ADAT1: variants seen among roughly 807,000 people sequenced by gnomAD.
ADAT1 encodes the protein adenosine deaminase tRNA specific 1.
In ADAT1, 58 loss-of-function variants were observed where a neutral mutation model predicts 58.6. That is an observed-to-expected ratio of 0.99 (90% CI 0.80 to 1.23). The LOEUF (loss-of-function observed/expected upper bound fraction) is 1.23. ADAT1 is among the 50% of genes most tolerant of loss of function. The pLI, the probability that ADAT1 is intolerant of heterozygous loss-of-function variation, is 0.00. For synonymous variants in ADAT1, 254 were observed against 220.8 expected (o/e 1.15, Z -1.33); for missense variants, 741 against 608.6 (o/e 1.22, Z -2.29).
chr16:75,621,231 A>G (rs184632230), intron 1 of ADAT1, among the ~76,000 whole-genome samples: 1 of 151,734 alleles, frequency 6.6e-6, no homozygotes, highest in Non-Finnish European at 1.5e-5. Flanking sequence ...TTCTGGACAG[A>G]TGTTCTTATC....
In ADAT1 at chr16:75,617,176, G is replaced by C; in HGVS notation, c.390C>G (p.Asp130Glu). The change falls in exon 5 of 10, where the codon GAC (aspartate) becomes GAG (glutamate). Residue 130 changes from aspartate to glutamate, a missense_variant. By Grantham distance (45) the Asp-to-Glu change is conservative (BLOSUM62 2). Transcript: ENST00000564657. The part of the protein sequence containing the change: ...TQKGVWKLRR[D>E]LIFVFFSSHT... ...GGCTGGAGAAAAACACAAAAATGAG[G>C]TCTCGTCTAAGTTTCCACACTCCTT... 1 of 1,613,720 alleles carries C rather than the reference G, an allele frequency of 6.2e-7. No individual in the cohort carries two copies.
chr16:75,597,474 C>T lies in ADAT1; in HGVS notation c.*2742G>A, dbSNP rs1483935533. On this transcript the variant is annotated 3_prime_UTR_variant, in exon 10 of 10. Transcript: ENST00000564657. ...TCTTCCTTAGAGCAGCAGTCCCCAA[C>T]CTTTTTGGCACCAGGGACTGGTTTC... 7 of 406,222 alleles carry T rather than the reference C, an allele frequency of 1.7e-5. No homozygotes were observed. The Admixed American group carries it at 1.9e-4, about 11-fold the overall frequency. The allele number at this position is 406,222 out of a possible 1,614,324, so 25.2% of individuals were successfully genotyped here.
At chr16:75,609,531 T>C (rs1040385363) in intron 6 of ADAT1, among the ~76,000 whole-genome samples, 2 of 152,180 alleles carry the variant, frequency 1.3e-5, no homozygotes, top group Non-Finnish European at 2.9e-5. Context: ...AACATCTTTA[T>C]AGGGATATAG....
intron 4 of ADAT1, 66 bp from the exon 5 acceptor site, chr16:75,617,338 T>G (rs1230834289): frequency 6.4e-7 from 1 of 1,565,254 alleles, no homozygotes; most frequent in East Asian, 2.3e-5. Flanking sequence ...AGCCTCTGGT[T>G]GGGTGATTAC....
At chr16:75,618,466 A>G in intron 4 of ADAT1, 120 bp downstream of exon 4, 1 of 565,288 alleles carries the variant, frequency 1.8e-6, no homozygotes. Context: ...AGATCATGCC[A>G]CTGCACTCCA....
At chr16:75,610,666 T>G (rs2081504437) in intron 6 of ADAT1, among the ~76,000 whole-genome samples, 1 of 152,228 alleles carries the variant, frequency 6.6e-6, no homozygotes, top group Non-Finnish European at 1.5e-5. Context: ...GACCATATCT[T>G]GAGGCTTCAC....
At chr16:75,608,694 G>C (rs4888438) in intron 7 of ADAT1, 149 bp downstream of exon 7, 553,844 of 912,730 alleles carry the variant, frequency 0.61, 176,814 homozygotes, top group East Asian at 0.97. Context: ...GAGCATAAAC[G>C]TGACCCACTA....
At chr16:75,603,385 G>A (rs1278269680) in intron 8 of ADAT1, among the ~76,000 whole-genome samples, 1 of 152,172 alleles carries the variant, frequency 6.6e-6, no homozygotes, top group Non-Finnish European at 1.5e-5. Flanking sequence ...CATCAGCCAT[G>A]GGATCATTAA....
chr16:75,617,082 T>C (rs1226379984), intron 5 of ADAT1, 60 bp downstream of exon 5: 1 of 1,547,230 alleles, frequency 6.5e-7, no homozygotes, highest in Non-Finnish European at 8.8e-7. Flanking sequence ...TACCTATGGA[T>C]AACACAAACA....
intron 8 of ADAT1, 132 bp from the exon 9 acceptor site, chr16:75,603,303 G>A (rs1567463014): frequency 6.9e-6 from 5 of 723,630 alleles, no homozygotes; most frequent in Non-Finnish European, 1.2e-5. Flanking sequence ...CCTGTACTTG[G>A]TGAGGAGAAA....
At position 75,600,279 on chromosome 16, in the gene ADAT1, T is replaced by A; in HGVS notation, c.1446A>T (p.Thr482=). ...AGGATCCAAACACCTGCTTCCGGAG[T>A]GTGCTCCAGGCTTCCTGGTAAGAGG... ...AASSYQEAWS[T]LRKQVFGSWI... is the part of the protein sequence containing the mutation. The change falls in exon 10 of 10, where the codon ACA becomes ACT. Residue 482 remains threonine (T), a synonymous_variant. Transcript: ENST00000564657. 1 of 1,614,028 alleles carries A rather than the reference T, an allele frequency of 6.2e-7. No individual in the cohort carries two copies. The highest frequency in any genetic ancestry group is 8.5e-7 in the Non-Finnish European group (1 of 1,180,004).
chr16:75,602,682 A>C (rs2081262866), intron 9 of ADAT1, among the ~76,000 whole-genome samples: 1 of 152,206 alleles, frequency 6.6e-6, no homozygotes, highest in Non-Finnish European at 1.5e-5. Flanking sequence ...GTGGTTTTAA[A>C]GTTCTTTGAA....
intron 5 of ADAT1, among the ~76,000 whole-genome samples, chr16:75,613,394 T>C (rs567329253): frequency 2.6e-5 from 4 of 152,168 alleles, no homozygotes; most frequent in East Asian, 3.9e-4. Flanking sequence ...CTCTACCTCC[T>C]GGGTTCAAGT....
intron 7 of ADAT1, 154 bp from the exon 8 acceptor site, chr16:75,608,477 G>T (rs932937266): frequency 1.9e-5 from 12 of 639,134 alleles, no homozygotes; most frequent in Non-Finnish European, 3.2e-5. Context: ...GGCCTCCAGG[G>T]TACAGTAGTC....
At chr16:75,607,392 CT>C (rs2081399080) in intron 8 of ADAT1, among the ~76,000 whole-genome samples, 1 of 151,388 alleles carries the variant, frequency 6.6e-6, no homozygotes, top group Admixed American at 6.6e-5. Context: ...GTCCCAGCTA[CT>C]AGGAAGGCTG....
intron 8 of ADAT1, among the ~76,000 whole-genome samples, chr16:75,607,492 A>C (rs1383335870): frequency 7.0e-6 from 1 of 143,532 alleles, no homozygotes; most frequent in African/African-American, 2.6e-5. Context: ...ACAGAGCAAG[A>C]CTCTATCTCA....
intron 4 of ADAT1, among the ~76,000 whole-genome samples, chr16:75,618,119 A>G (rs1180220574): frequency 1.3e-5 from 2 of 149,356 alleles, no homozygotes; most frequent in East Asian, 1.9e-4. Context: ...AAAAAAAAAA[A>G]AAAAAGAGAG....
intron 8 of ADAT1, among the ~76,000 whole-genome samples, chr16:75,603,659 A>C (rs545839043): frequency 6.6e-6 from 1 of 152,300 alleles, no homozygotes; most frequent in East Asian, 1.9e-4. Flanking sequence ...GTTTGCTCCT[A>C]AACAACAAAA....
Position 75,598,518 on chromosome 16 carries a change from ATTT to A in ADAT1, c.*1695_*1697del, listed in dbSNP as rs567204868. ...ACAACTCTGTGGATATACTAAAAAA[ATTT>A]TTTTTTTTTTTTTTTGAGACAGGAT... On this transcript the variant is annotated 3_prime_UTR_variant, in exon 10 of 10. Coordinates refer to ENST00000564657, the MANE Select transcript of ADAT1 (RefSeq NM_001324445.2). Among the ~76,000 whole-genome samples, 3 of 139,140 alleles carry A rather than the reference ATTT, an allele frequency of 2.2e-5. No individual in the cohort carries two copies. The allele number at this position is 139,140 out of a possible 152,430, so 91.3% of individuals were successfully genotyped here.
Sources: gnomAD v4.1 joint callset for allele counts (sites outside exome capture counted in the v4.1 genomes callset) on GRCh38, gnomAD v4.1.1 for gene constraint, MANE v1.5 for transcripts, NCBI Gene and HGNC (gene_info 2026-07-23, HGNC 2026-07-21) for gene names.